PIAS3: variants seen among roughly 807,000 people sequenced by gnomAD.
The protein encoded by PIAS3 is E3 SUMO-protein ligase PIAS3.
A neutral mutation model predicts 67.6 loss-of-function variants in PIAS3; 34 were observed. The observed-to-expected ratio is 0.50, with a 90% CI of 0.38 to 0.67. The LOEUF (loss-of-function observed/expected upper bound fraction) is 0.67, where lower values mean the gene tolerates loss of function less well. Among genes scored for constraint, PIAS3 ranks in the 30% least tolerant of loss-of-function variants. PIAS3 has a pLI of 0.00. For missense variants in PIAS3, 693 were observed against 791.6 expected, an observed-to-expected ratio of 0.88 and a Z score of 1.49; for synonymous variants, 341 against 313.8, an observed-to-expected ratio of 1.09 and a Z score of -0.92.
At chr1:145,857,326 T>C (rs1553735838) in intron 1 of PIAS3, 2 of 393,828 alleles carry the variant, frequency 5.1e-6, no homozygotes, top group South Asian at 3.0e-5. Context: ...TCCGAGTCCA[T>C]GCAGCCTCCC....
chr1:145,850,007 A>T (rs782441403), intron 13 of PIAS3: 13 of 1,437,622 alleles, frequency 9.0e-6, no homozygotes, highest in Non-Finnish European at 1.2e-5. Context: ...GGTAGGGGTG[A>T]GTAGGCCAGG....
intron 7 of PIAS3, 70 bp downstream of exon 7, chr1:145,854,388 T>C (rs1430672632): frequency 2.8e-6 from 3 of 1,084,966 alleles, no homozygotes; most frequent in Non-Finnish European, 4.2e-6. Flanking sequence ...TGGGTTTAAT[T>C]ATGAAGGCTG....
chr1:145,850,329 C>T, intron 12 of PIAS3, 60 bp from the exon 13 acceptor site: 1 of 1,613,756 alleles, frequency 6.2e-7, no homozygotes, highest in Non-Finnish European at 8.5e-7. Context: ...CACCAAAAGA[C>T]AAAGCACTGT....
At chr1:145,854,693 T>C (rs1653092307) in intron 6 of PIAS3, 53 bp downstream of exon 6, 4 of 1,613,168 alleles carry the variant, frequency 2.5e-6, no homozygotes, top group African/African-American at 1.3e-5. Context: ...CACTGGATGG[T>C]TCCCCTTCAC....
rs782789003 is a variant in PIAS3 at position 145,850,955 on chromosome 1, A to C, written c.1280-16T>G. 1.1e-5 allele frequency: 18 copies of C among 1,614,104 alleles called. No homozygotes were observed. The East Asian group carries it at 3.6e-4, about 32-fold the overall frequency. ...TACTGGAGGCCTGTGGGTATTAAGA[A>C]GACTACGTCTCAGAGAAGAGGCCAT... On this transcript the variant is annotated splice_polypyrimidine_tract_variant and intron_variant, in intron 10 of 13. Coordinates refer to ENST00000393045, the MANE Select transcript of PIAS3 (RefSeq NM_006099.3).
Position 145,851,157 on chromosome 1 carries a change from G to A in PIAS3, c.1146-4C>T. 6.2e-7 allele frequency: 1 copy of A among 1,613,350 alleles called. No homozygotes were observed. The highest frequency in any genetic ancestry group is 8.5e-7 in the Non-Finnish European group (1 of 1,179,298). On this transcript the variant is annotated splice_polypyrimidine_tract_variant and splice_region_variant and intron_variant, in intron 9 of 13. Transcript: ENST00000393045. ...ACTAAGAATCTCCATAAATAAACTG[G>A]GGGAAGAGAGAGATGAAAATTCACG... is the stretch of plus-strand genomic sequence containing the variant.
chr1:145,854,031 G>A, intron 7 of PIAS3, 145 bp from the exon 8 acceptor site: 2 of 657,384 alleles, frequency 3.0e-6, no homozygotes, highest in Middle Eastern at 8.3e-4. Flanking sequence ...CATGGAAGTG[G>A]TCTGGGATAT....
chr1:145,849,179 C>T lies in PIAS3; in HGVS notation c.*267G>A, dbSNP rs1175201513. 1.3e-5 allele frequency: 4 copies of T among 312,092 alleles called. No individual in the cohort carries two copies. The highest frequency in any genetic ancestry group is 2.3e-5 in the Non-Finnish European group (4 of 171,994). The allele number at this position is 312,092 out of a possible 1,614,324, so 19.3% of individuals were successfully genotyped here. On this transcript the variant is annotated 3_prime_UTR_variant, in exon 14 of 14. Coordinates refer to ENST00000393045, the MANE Select transcript of PIAS3 (RefSeq NM_006099.3). The stretch of plus-strand genomic sequence containing the variant: ...CACATACCATCCCATTTGCCTCCCA[C>T]TGCCTAGGTTAACATACCCAAAGGA...
rs587624667 is a variant in PIAS3 at position 145,855,962 on chromosome 1, A to C, written c.578+106T>G. 26 of 1,078,898 alleles carry C rather than the reference A, an allele frequency of 2.4e-5. No homozygotes were observed. The African/African-American group carries it at 3.9e-4, about 16-fold the overall frequency. 66.8% of individuals were successfully genotyped at this position (1,078,898 alleles called of 1,614,324 possible). A position where few individuals can be genotyped will look rare whatever the true frequency, so the allele number is the denominator to read the frequency against. ...CATCCAACAAGAGTCGCAGGGCTGCAGTAGGCAGTGGCAGAGCAGGGACAT... is the reference window on the plus strand; with the variant it reads ...CATCCAACAAGAGTCGCAGGGCTGCCGTAGGCAGTGGCAGAGCAGGGACAT... On this transcript the variant is annotated intron_variant, in intron 4 of 13. Transcript: ENST00000393045.
At chr1:145,851,185 G>T (rs1378667448) in intron 9 of PIAS3, 32 bp from the exon 10 acceptor site, 3 of 1,610,940 alleles carry the variant, frequency 1.9e-6, no homozygotes, top group Non-Finnish European at 2.5e-6. Flanking sequence ...AATTCACGGG[G>T]CTGGGAGATG....
intron 9 of PIAS3, among the ~76,000 whole-genome samples, chr1:145,851,955 G>A (rs1263865673): frequency 8.1e-5 from 11 of 136,230 alleles, no homozygotes; most frequent in East Asian, 2.1e-4. Context: ...GTGAAACACC[G>A]TCTCAAAAAA....
At chr1:145,850,654 G>A (rs1553734064) in intron 11 of PIAS3, 68 bp from the exon 12 acceptor site, 1 of 1,599,390 alleles carries the variant, frequency 6.3e-7, no homozygotes, top group Non-Finnish European at 8.5e-7. Context: ...AGGTCCCCAG[G>A]TTCCCTCTCT....
chr1:145,854,676 C>T lies in PIAS3; in HGVS notation c.804+70G>A, dbSNP rs1459895478. Reference sequence around the variant, plus strand: ...CATAAAGAGGAAAATGCTTCCCCAACCCAGGACACTGGATGGTTCCCCTTC... The same window carrying T: ...CATAAAGAGGAAAATGCTTCCCCAATCCAGGACACTGGATGGTTCCCCTTC... On this transcript the variant is annotated intron_variant, in intron 6 of 13. Coordinates refer to ENST00000393045, the MANE Select transcript of PIAS3 (RefSeq NM_006099.3). 3 of 1,608,942 alleles carry T rather than the reference C, an allele frequency of 1.9e-6. No individual in the cohort carries two copies. The African/African-American group carries it at 4.0e-5, about 22-fold the overall frequency.
intron 9 of PIAS3, chr1:145,851,468 C>G (rs1257336166): frequency 1.1e-5 from 3 of 279,716 alleles, no homozygotes; most frequent in African/African-American, 2.2e-5. Flanking sequence ...CCAGCCTGGC[C>G]AACATGGTGA....
At chr1:145,857,075 G>A in intron 1 of PIAS3, 69 bp from the exon 2 acceptor site, 2 of 1,397,406 alleles carry the variant, frequency 1.4e-6, no homozygotes, top group South Asian at 1.2e-5. Flanking sequence ...GACATGGGCT[G>A]AGCTACCAGG....
chr1:145,849,638 G>T lies in PIAS3; in HGVS notation c.1695C>A (p.Thr565=), dbSNP rs782718866. Reference sequence around the variant, plus strand: ...CCAGTGGGCCCAGAAAGTGAGAAGGGGTCCCTCGGTACTGGAAGAAGTGGC... The same window carrying T: ...CCAGTGGGCCCAGAAAGTGAGAAGGTGTCCCTCGGTACTGGAAGAAGTGGC... ...ALGHFFQYRG[T]PSHFLGPLAP... is the part of the protein sequence containing the mutation. The change falls in exon 14 of 14, where the codon ACC becomes ACA. Residue 565 remains threonine, a synonymous_variant. Transcript: ENST00000393045. 1.3e-5 allele frequency: 21 copies of T among 1,613,316 alleles called. No individual in the cohort carries two copies. In the South Asian group the frequency reaches 1.9e-4, roughly 14 times the overall value.
chr1:145,856,553 G>C, intron 2 of PIAS3, 36 bp downstream of exon 2: 1 of 1,582,622 alleles, frequency 6.3e-7, no homozygotes, highest in Non-Finnish European at 8.6e-7. Flanking sequence ...AACAGGTAGG[G>C]AGTCCAGAAG....
intron 4 of PIAS3, 110 bp downstream of exon 4, chr1:145,855,958 C>T: frequency 1.9e-6 from 2 of 1,070,246 alleles, no homozygotes; most frequent in Non-Finnish European, 1.5e-6. Context: ...AGTCGCAGGG[C>T]TGCAGTAGGC....
chr1:145,850,065 C>G (rs1652893067), intron 13 of PIAS3, 167 bp downstream of exon 13: 1 of 1,465,120 alleles, frequency 6.8e-7, no homozygotes, highest in Non-Finnish European at 9.0e-7. Context: ...GTAGGAATCT[C>G]AGGAACTACC....
Sources: allele counts gnomAD v4.1 joint callset (sites outside exome capture counted in the v4.1 genomes callset), GRCh38; gene constraint gnomAD v4.1.1; transcripts MANE v1.5; gene names NCBI Gene and HGNC (gene_info 2026-07-23, HGNC 2026-07-21).